RGSL1: variants seen among roughly 807,000 people sequenced by gnomAD.
The protein encoded by RGSL1 is regulator of G protein signaling protein-like.
Under a neutral mutation model 124.7 loss-of-function variants are expected in RGSL1, and 97 were observed. The ratio of observed to expected loss-of-function variants is 0.78; its 90% confidence interval spans 0.66 to 0.92. The LOEUF (loss-of-function observed/expected upper bound fraction) is 0.92, where lower values mean the gene tolerates loss of function less well. Among genes scored for constraint, RGSL1 ranks in the 40% least tolerant of loss-of-function variants. The pLI is 0.00. For synonymous variants in RGSL1, 424 were observed against 438.1 expected, an observed-to-expected ratio of 0.97 and a Z score of 0.40; for missense variants, 1,233 against 1,288.4, an observed-to-expected ratio of 0.96 and a Z score of 0.66.
intron 21 of RGSL1, among the ~76,000 whole-genome samples, chr1:182,559,481 G>A (rs11581355): frequency 0.15 from 22,118 of 151,972 alleles, 2,046 homozygotes; most frequent in Middle Eastern, 0.27. Context: ...TGCTTTTGTC[G>A]GGCCCTTGTC....
Position 182,458,391 on chromosome 1 carries a change from T to C in RGSL1, c.169T>C (p.Leu57=), listed in dbSNP as rs1459533411. The C allele has an allele frequency of 2.6e-6, 4 of 1,551,312 alleles. No homozygotes were observed. The highest frequency in any genetic ancestry group is 3.5e-6 in the Non-Finnish European group (4 of 1,146,392). The stretch of plus-strand genomic sequence containing the variant: ...CTTGTGGCCAGAAATACCTTGTAAC[T>C]TGGTGAGTAAAATTCTTCAGAGGTA... The part of the protein sequence containing the change: ...WSLWPEIPCN[L]IAKYKGLLTW... Residue 57 remains leucine (L), a splice_region_variant and synonymous_variant, in exon 3 of 22, where the codon TTG becomes CTG. Coordinates refer to ENST00000294854, the MANE Select transcript of RGSL1 (RefSeq NM_001137669.2).
chr1:182,492,780 C>A (rs1655626045), intron 8 of RGSL1, among the ~76,000 whole-genome samples: 1 of 152,016 alleles, frequency 6.6e-6, no homozygotes, highest in Admixed American at 6.6e-5. Context: ...AGGCGCCCGC[C>A]ACCATACCCG....
chr1:182,459,938 A>C, intron 3 of RGSL1, 66 bp from the exon 4 acceptor site: 2 of 1,518,324 alleles, frequency 1.3e-6, no homozygotes, highest in Non-Finnish European at 1.8e-6. Flanking sequence ...GCCACTTACT[A>C]AGTTGTATTT....
chr1:182,510,665 TGAGAGG>T (rs544748120), intron 9 of RGSL1, among the ~76,000 whole-genome samples: 270 of 12,458 alleles, frequency 0.022, 101 homozygotes, highest in Admixed American at 0.08. Context: ...GTGGGGAGAG[TGAGAGG>T]GAGAGGGAGA....
Position 182,473,375 on chromosome 1 carries a change from T to C in RGSL1, c.464-200T>C, listed in dbSNP as rs80348354. Among the ~76,000 whole-genome samples, 620 of 152,306 alleles carry C rather than the reference T, an allele frequency of 4.1e-3. 6 individuals carry two copies. Among genetic ancestry groups the C allele is most frequent in the African/African-American group, 0.014 (591 of 41,578 alleles). ...TGGCTTATTTCTATGGAGAATAAGATAAAGGGATCCCTGTGTGCTGAGAAA... is the reference window on the plus strand; with the variant it reads ...TGGCTTATTTCTATGGAGAATAAGACAAAGGGATCCCTGTGTGCTGAGAAA... On this transcript the variant is annotated intron_variant, in intron 5 of 21. Coordinates refer to ENST00000294854, the MANE Select transcript of RGSL1 (RefSeq NM_001137669.2).
chr1:182,546,383 C>A (rs1453348391), intron 15 of RGSL1, among the ~76,000 whole-genome samples: 1 of 151,860 alleles, frequency 6.6e-6, no homozygotes, highest in Non-Finnish European at 1.5e-5. Flanking sequence ...CCTGGCCACA[C>A]CTAACTCAAC....
intron 7 of RGSL1, 112 bp from the exon 8 acceptor site, chr1:182,488,868 C>A: frequency 2.6e-6 from 2 of 775,622 alleles, no homozygotes; most frequent in Non-Finnish European, 4.1e-6. Context: ...TGAAAACAAC[C>A]TGCATAAGAC....
intron 1 of RGSL1, among the ~76,000 whole-genome samples, chr1:182,452,556 G>A (rs145994310): frequency 0.023 from 3,452 of 151,632 alleles, 134 homozygotes; most frequent in African/African-American, 0.078. Context: ...GGCTTCAAGC[G>A]ATTCTCCTGC....
At chr1:182,449,997 G>C (rs1651686366), upstream of RGSL1, 1 of 723,850 alleles carries the variant, frequency 1.4e-6, no homozygotes, top group Non-Finnish European at 2.4e-6. Flanking sequence ...GTAAGATAAA[G>C]ACTTATCTTC....
At chr1:182,450,352 C>A (rs1458985929) in intron 1 of RGSL1, 174 bp downstream of exon 1, 1 of 721,088 alleles carries the variant, frequency 1.4e-6, no homozygotes, top group Non-Finnish European at 2.4e-6. Context: ...CTCCTACCTT[C>A]TGCCACCAGA....
rs576007577 is a variant in RGSL1 at position 182,498,823 on chromosome 1, G to A, written c.1825+5694G>A. Among the ~76,000 whole-genome samples, 5 of 134,420 alleles carry A rather than the reference G, an allele frequency of 3.7e-5. No homozygotes were observed. In the East Asian group the frequency reaches 8.5e-4, roughly 23 times the overall value. 88.2% of individuals were successfully genotyped at this position (134,420 alleles called of 152,430 possible). A position where few individuals can be genotyped will look rare whatever the true frequency, so the allele number is the denominator to read the frequency against. ...TTGTTTTTTTTTGAGACAGAGTCTT[G>A]CTCTTGTTGCCCAGCCCGGAGTGCA... On this transcript the variant is annotated intron_variant, in intron 9 of 21. Coordinates refer to ENST00000294854, the MANE Select transcript of RGSL1 (RefSeq NM_001137669.2).
chr1:182,504,726 T>C (rs1412607212), intron 9 of RGSL1, among the ~76,000 whole-genome samples: 1 of 152,158 alleles, frequency 6.6e-6, no homozygotes, highest in Admixed American at 6.5e-5. Context: ...TAGCCTGTGG[T>C]CATATAGAGT....
At chr1:182,528,048 T>G (rs947798185) in intron 11 of RGSL1, among the ~76,000 whole-genome samples, 1 of 152,146 alleles carries the variant, frequency 6.6e-6, no homozygotes, top group Non-Finnish European at 1.5e-5. Context: ...ATTGATTGAC[T>G]CACAGTTCCA....
intron 10 of RGSL1, among the ~76,000 whole-genome samples, chr1:182,523,330 C>T (rs550991550): frequency 6.6e-6 from 1 of 152,144 alleles, no homozygotes; most frequent in East Asian, 1.9e-4. Flanking sequence ...CATTTGTACC[C>T]AGCCAAGAAT....
chr1:182,506,835 G>T (rs1005120494), intron 9 of RGSL1, among the ~76,000 whole-genome samples: 1 of 152,096 alleles, frequency 6.6e-6, no homozygotes, highest in Non-Finnish European at 1.5e-5. Flanking sequence ...AATTTGTAAA[G>T]ATAAAATTAG....
chr1:182,520,586 A>T (rs1332366451), intron 9 of RGSL1, among the ~76,000 whole-genome samples: 4 of 152,004 alleles, frequency 2.6e-5, no homozygotes, highest in African/African-American at 9.7e-5. Flanking sequence ...TAACCTCTAT[A>T]TATTGATTTT....
In RGSL1 at chr1:182,554,652, A is replaced by G. The variant is rs1265646802; in HGVS notation, c.3156A>G (p.Pro1052=). The G allele has an allele frequency of 1.3e-6, 2 of 1,551,686 alleles. No individual in the cohort carries two copies. The highest frequency in any genetic ancestry group is 1.7e-6 in the Non-Finnish European group (2 of 1,146,982). ...CTTCATCAAGCAAACTTACTCAGCC[A>G]AGACTCGTGGTATCTGCCATGCAGC... ...QNSSSSKLTQ[P]RLVVSAMQLH... Residue 1052 remains proline, a synonymous_variant, in exon 20 of 22, where the codon CCA becomes CCG. Transcript: ENST00000294854.
chr1:182,462,560 G>A (rs6689130), intron 4 of RGSL1, among the ~76,000 whole-genome samples: 4,053 of 152,042 alleles, frequency 0.027, 155 homozygotes, highest in African/African-American at 0.087. Flanking sequence ...ATAACTACTC[G>A]TCTAAAAGAT....
In RGSL1 at chr1:182,553,540, T is replaced by C. The variant is rs1023712379; in HGVS notation, c.3129T>C (p.Asn1043=). The C allele has an allele frequency of 1.2e-5, 19 of 1,551,578 alleles. No homozygotes were observed. The African/African-American group carries it at 2.5e-4, about 20-fold the overall frequency. ...PQREAISSVQ[N]SSSSKLTQPR... ...GGGAAGCAATAAGTTCAGTTCAAAA[T>C]TGTGAGTTGGAATTGGATCCCCACT... is the stretch of plus-strand genomic sequence containing the variant. The change falls in exon 19 of 22, where the codon AAT becomes AAC. Residue 1043 remains asparagine, a splice_region_variant and synonymous_variant. Transcript: ENST00000294854.
Sources: allele counts gnomAD v4.1 joint callset (sites outside exome capture counted in the v4.1 genomes callset), GRCh38; gene constraint gnomAD v4.1.1; transcripts MANE v1.5; gene names NCBI Gene and HGNC (gene_info 2026-07-23, HGNC 2026-07-21).